NOTCH1: variants seen among roughly 807,000 people sequenced by gnomAD.
NOTCH1 encodes neurogenic locus notch homolog protein 1.
In NOTCH1, 37 loss-of-function variants were observed where a neutral mutation model predicts 254.8. The ratio of observed to expected loss-of-function variants is 0.15; its 90% CI spans 0.11 to 0.19. The LOEUF is 0.19. Ranked by LOEUF, NOTCH1 falls within the 10% of genes least tolerant of loss-of-function variation. The probability of loss-of-function intolerance (pLI) is 1.00; values close to 1 mark genes in which losing one functional copy is unlikely to be tolerated. For missense variants in NOTCH1, 2,972 were observed against 3,708.6 expected (o/e 0.80, Z 5.16); for synonymous variants, 1,731 against 1,618.1 (o/e 1.07, Z -1.68).
In NOTCH1 at chr9:136,513,159, G is replaced by T; in HGVS notation, c.2354-25C>A. 1 of 1,574,330 alleles carries T rather than the reference G, an allele frequency of 6.4e-7. No individual in the cohort carries two copies. The highest frequency in any genetic ancestry group is 8.7e-7 in the Non-Finnish European group (1 of 1,145,096). On this transcript the variant is annotated intron_variant, in intron 14 of 33. Transcript: ENST00000651671. The surrounding 1 kb of genome is among the most constrained non-coding windows in gnomAD (Gnocchi z 4.7). ...CCTGGAGGGAAGGGGACAGCACTCGGCATGTCCAGCACTCCCAGGCACCTT... is the reference window on the plus strand; with the variant it reads ...CCTGGAGGGAAGGGGACAGCACTCGTCATGTCCAGCACTCCCAGGCACCTT...
Position 136,497,540 on chromosome 9 carries a change from G to C in NOTCH1, c.6199C>G (p.Leu2067Val), listed in dbSNP as rs1842936868. 6.2e-7 allele frequency: 1 copy of C among 1,602,694 alleles called. No individual in the cohort carries two copies. Among genetic ancestry groups the C allele is most frequent in the Non-Finnish European group, 8.5e-7 (1 of 1,175,692 alleles). The change falls in exon 34 of 34, where the codon CTG becomes GTG. Residue 2067 changes from leucine to valine, a missense_variant. By Grantham distance (32) the Leu-to-Val change is conservative. Around this residue, in one of 8 missense-constraint regions of NOTCH1, gnomAD observed 421 missense variants for 604.4 expected, o/e 0.70. Coordinates refer to ENST00000651671, the MANE Select transcript of NOTCH1 (RefSeq NM_017617.5). ...TCGTAGCTGCCCTCCCGGGCGGCCAGAAACAGGGGTGTCTCCTCCTGGGGG... is the reference window on the plus strand; with the variant it reads ...TCGTAGCTGCCCTCCCGGGCGGCCACAAACAGGGGTGTCTCCTCCTGGGGG... ...QNNREETPLFLAAREGSYETA... is the reference protein window; with the variant it reads ...QNNREETPLFVAAREGSYETA...
chr9:136,534,840 GC>G (rs1245173027), intron 2 of NOTCH1, among the ~76,000 whole-genome samples: 1 of 83,264 alleles, frequency 1.2e-5, no homozygotes, highest in Non-Finnish European at 2.6e-5. Flanking sequence ...CTCTCACAGA[GC>G]CCCCAGTCCC....
In NOTCH1 at chr9:136,504,753, G is replaced by T. The variant is rs1224157151; in HGVS notation, c.4938C>A (p.Gly1646=). 1.9e-6 allele frequency: 3 copies of T among 1,548,158 alleles called. No individual in the cohort carries two copies. Among genetic ancestry groups the T allele is most frequent in the East Asian group, 4.9e-5 (2 of 41,066 alleles). The change falls in exon 26 of 34, where the codon GGC becomes GGA. Residue 1646 remains glycine, a synonymous_variant. Transcript: ENST00000651671. ...CAGGGAGCAGCGAGGCCTTCACCTG[G>T]CCCAGCAGGGCGTCAGGTGCGGCCC... ...EGWAAPDALL[G]QVKASLLPGG... is the part of the protein sequence containing the mutation.
Position 136,496,760 on chromosome 9 carries a change from G to T in NOTCH1, c.6979C>A (p.Arg2327=). The change falls in exon 34 of 34, where the codon CGG becomes AGG. Residue 2327 remains arginine, a synonymous_variant. Coordinates refer to ENST00000651671, the MANE Select transcript of NOTCH1 (RefSeq NM_017617.5). ...AGGGGGCCTGGTGCCACACTCCCCC[G>T]CAGAGGGTTGTATTGGTTCGGCACC... The part of the protein sequence containing the change: ...GMVPNQYNPL[R]GSVAPGPLST... The T allele has an allele frequency of 3.1e-6, 5 of 1,612,828 alleles. No individual in the cohort carries two copies. Among genetic ancestry groups the T allele is most frequent in the Non-Finnish European group, 3.4e-6 (4 of 1,179,992 alleles).
chr9:136,512,232 T>C (rs1182852771), intron 15 of NOTCH1, among the ~76,000 whole-genome samples: 1 of 152,052 alleles, frequency 6.6e-6, no homozygotes, highest in Non-Finnish European at 1.5e-5. Flanking sequence ...AAAACCCAGG[T>C]CCTTAACTTC....
At chr9:136,511,011 C>A in intron 16 of NOTCH1, 141 bp downstream of exon 16, 1 of 1,441,182 alleles carries the variant, frequency 6.9e-7, no homozygotes, top group Non-Finnish European at 9.5e-7. Flanking sequence ...ATTCCTGATT[C>A]CAGAACTTCT....
chr9:136,514,861 G>A (rs930789160), intron 12 of NOTCH1, among the ~76,000 whole-genome samples, 159 bp from the exon 13 acceptor site: 1 of 152,212 alleles, frequency 6.6e-6, no homozygotes, highest in African/African-American at 2.4e-5. Flanking sequence ...CCATGTGCCA[G>A]CCTCCCCGGG....
In NOTCH1 at chr9:136,495,098, G is replaced by A. The variant is rs554446731; in HGVS notation, c.*973C>T. The A allele has an allele frequency of 3.8e-5, 15 of 399,098 alleles. No individual in the cohort carries two copies. Among genetic ancestry groups the A allele is most frequent in the South Asian group, 2.5e-4 (2 of 7,862 alleles). The allele number at this position is 399,098 out of a possible 1,614,324, so 24.7% of individuals were successfully genotyped here. A position where few individuals can be genotyped will look rare whatever the true frequency, so the allele number is the denominator to read the frequency against. On this transcript the variant is annotated 3_prime_UTR_variant, in exon 34 of 34. Coordinates refer to ENST00000651671, the MANE Select transcript of NOTCH1 (RefSeq NM_017617.5). ...GCTGTGTTGCTGGAGCATCTTCTTC[G>A]GAACCTGGGGGACACTGTGCAGGCT...
chr9:136,535,334 G>C lies in NOTCH1; in HGVS notation c.140+8690C>G, dbSNP rs1000141262. ...CGTGCGGAGAGGGCCCTGTTTAACC[G>C]TGCGGGCTCAATCTGGAGTGTAGAC... On this transcript the variant is annotated intron_variant, in intron 2 of 33. Coordinates refer to ENST00000651671, the MANE Select transcript of NOTCH1 (RefSeq NM_017617.5). Among the ~76,000 whole-genome samples the C allele has an allele frequency of 7.2e-5, 11 of 152,110 alleles. No homozygotes were observed. The South Asian group carries it at 2.1e-3, about 29-fold the overall frequency.
At position 136,494,852 on chromosome 9, in the gene NOTCH1, A is replaced by G. The variant is rs1842893105; in HGVS notation, c.*1219T>C. On this transcript the variant is annotated 3_prime_UTR_variant, in exon 34 of 34. Coordinates refer to ENST00000651671, the MANE Select transcript of NOTCH1 (RefSeq NM_017617.5). ...TTTTCTGCCATAGGCTATACTTGGT[A>G]TTGCAAAAATCTGCTCCTCCCAAAC... is the stretch of plus-strand genomic sequence containing the variant. 1 of 398,574 alleles carries G rather than the reference A, an allele frequency of 2.5e-6. No homozygotes were observed. Among genetic ancestry groups the G allele is most frequent in the Admixed American group, 4.4e-5 (1 of 22,718 alleles). 24.7% of individuals were successfully genotyped at this position (398,574 alleles called of 1,614,324 possible).
intron 27 of NOTCH1, chr9:136,502,808 A>C: frequency 1.8e-6 from 1 of 564,582 alleles, no homozygotes; most frequent in Non-Finnish European, 3.2e-6. Context: ...GGGATTTTCA[A>C]GATACAAACT....
At position 136,515,540 on chromosome 9, in the gene NOTCH1, C is replaced by T. The variant is rs2133363522; in HGVS notation, c.1846G>A (p.Gly616Ser). The T allele has an allele frequency of 4.3e-6, 7 of 1,611,716 alleles. No homozygotes were observed. The highest frequency in any genetic ancestry group is 5.9e-6 in the Non-Finnish European group (7 of 1,179,832). Residue 616 changes from glycine (G) to serine (S), a missense_variant, in exon 11 of 34, where the codon GGC becomes AGC. By Grantham distance (56) the Gly-to-Ser change is moderately conservative. This residue lies in a region of NOTCH1 where 1,343 missense variants were observed against 1,557.0 expected (regional missense o/e 0.86). Transcript: ENST00000651671. ...ECSSQPCRHG[G>S]TCQDRDNAYL... ...GCGTTGTCGCGGTCCTGGCAGGTGC[C>T]CCCGTGGCGGCAGGGCTGGCTGGAG... is the stretch of plus-strand genomic sequence containing the variant.
intron 10 of NOTCH1, 131 bp from the exon 11 acceptor site, chr9:136,515,847 T>C (rs1246097069): frequency 1.1e-5 from 12 of 1,066,528 alleles, no homozygotes; most frequent in Non-Finnish European, 1.4e-5. Context: ...CTACTCAGGA[T>C]TGGGGCTGAG....
chr9:136,532,204 G>A (rs907660571), intron 2 of NOTCH1, among the ~76,000 whole-genome samples: 1 of 152,186 alleles, frequency 6.6e-6, no homozygotes, highest in African/African-American at 2.4e-5. Context: ...TCCCAAGACA[G>A]CTGGCACAGG....
Position 136,504,707 on chromosome 9 carries a change from G to A in NOTCH1, c.4984C>T (p.Arg1662Trp), listed in dbSNP as rs1456612268. Reference sequence around the variant, plus strand: ...TCCATGGGGTCCAGCTCCCTCCGCCGCCGCCCACCCTCGCTGCCACCAGGG... The same window carrying A: ...TCCATGGGGTCCAGCTCCCTCCGCCACCGCCCACCCTCGCTGCCACCAGGG... ...LLPGGSEGGR[R>W]RRELDPMDVR... The change falls in exon 26 of 34, where the codon CGG becomes TGG. Residue 1662 changes from arginine (R) to tryptophan (W), a missense_variant. This residue lies in a region of NOTCH1 where 1,343 missense variants were observed against 1,557.0 expected (regional missense o/e 0.86). Coordinates refer to ENST00000651671, the MANE Select transcript of NOTCH1 (RefSeq NM_017617.5). The A allele has an allele frequency of 9.1e-6, 14 of 1,536,080 alleles. No homozygotes were observed. The highest frequency in any genetic ancestry group is 6.0e-5 in the Admixed American group (3 of 50,228).
At chr9:136,505,952 C>G (rs1005171591) in intron 24 of NOTCH1, 71 bp from the exon 25 acceptor site, 1 of 1,416,440 alleles carries the variant, frequency 7.1e-7, no homozygotes, top group African/African-American at 1.4e-5. Flanking sequence ...TCACACCCAG[C>G]CCTCGGCCAG....
intron 2 of NOTCH1, among the ~76,000 whole-genome samples, chr9:136,531,830 G>A (rs953061190): frequency 6.6e-6 from 1 of 152,242 alleles, no homozygotes; most frequent in Non-Finnish European, 1.5e-5. Flanking sequence ...GGCCGCAGAT[G>A]GACGGCGGCT....
Position 136,496,488 on chromosome 9 carries a change from C to G in NOTCH1, c.7251G>C (p.Pro2417=), listed in dbSNP as rs368498380. The G allele has an allele frequency of 6.2e-7, 1 of 1,601,576 alleles. No individual in the cohort carries two copies. Among genetic ancestry groups the G allele is most frequent in the African/African-American group, 1.3e-5 (1 of 74,940 alleles). ...SLQPPPPPPQ[P]HLGVSSAASG... ...TGGCTGCTGAGCTCACGCCAAGGTG[C>G]GGCTGTGGTGGTGGTGGTGGCGGCT... The change falls in exon 34 of 34, where the codon CCG becomes CCC. Residue 2417 remains proline (P), a synonymous_variant. Coordinates refer to ENST00000651671, the MANE Select transcript of NOTCH1 (RefSeq NM_017617.5).
In NOTCH1 at chr9:136,525,617, G is replaced by A. The variant is rs537039424; in HGVS notation, c.141-1638C>T. Among the ~76,000 whole-genome samples, 82 of 152,320 alleles carry A rather than the reference G, an allele frequency of 5.4e-4. 1 individual carries two copies. Among genetic ancestry groups the A allele is most frequent in the Admixed American group, 4.6e-4 (7 of 15,310 alleles). Reference sequence around the variant, plus strand: ...GGGCTGCGGCGGCCGCCTGCCCCAGGACCGGCCCTGAAGCTGCCGGCTTCC... The same window carrying A: ...GGGCTGCGGCGGCCGCCTGCCCCAGAACCGGCCCTGAAGCTGCCGGCTTCC... On this transcript the variant is annotated intron_variant, in intron 2 of 33. Transcript: ENST00000651671.
Sources: allele counts gnomAD v4.1 joint callset (sites outside exome capture counted in the v4.1 genomes callset), GRCh38; gene constraint gnomAD v4.1.1; regional missense constraint gnomAD v4.1.1; non-coding constraint Gnocchi (gnomAD v3.1); transcripts MANE v1.5; gene names NCBI Gene and HGNC (gene_info 2026-07-23, HGNC 2026-07-21).